TMEM132C: variants seen among roughly 807,000 people sequenced by gnomAD.
The protein encoded by TMEM132C is transmembrane protein 132C.
TMEM132C carries 29 observed loss-of-function variants against 61.4 expected under a neutral mutation model. That is an observed-to-expected ratio of 0.47 (90% CI 0.35 to 0.64). TMEM132C has a LOEUF of 0.64. Ranked by LOEUF, TMEM132C falls within the 30% of genes least tolerant of loss-of-function variation. The probability of loss-of-function intolerance (pLI) is 0.00; values close to 1 mark genes in which losing one functional copy is unlikely to be tolerated. For missense variants in TMEM132C, 1,408 were observed against 1,476.9 expected (o/e 0.95, Z 0.76); for synonymous variants, 656 against 633.1 (o/e 1.04, Z -0.54).
At chr12:128,469,802 G>A (rs1870882338) in intron 2 of TMEM132C, among the ~76,000 whole-genome samples, 1 of 149,926 alleles carries the variant, frequency 6.7e-6, no homozygotes, top group Non-Finnish European at 1.5e-5. Context: ...ATGCATTTAT[G>A]TGTGTATATA....
intron 2 of TMEM132C, among the ~76,000 whole-genome samples, chr12:128,508,429 C>T (rs1443743321): frequency 1.3e-5 from 2 of 152,154 alleles, no homozygotes; most frequent in Non-Finnish European, 2.9e-5. Context: ...GCTCTACGGC[C>T]CTCGAGATGA....
At chr12:128,310,881 T>A (rs1167103526) in intron 1 of TMEM132C, among the ~76,000 whole-genome samples, 1 of 152,174 alleles carries the variant, frequency 6.6e-6, no homozygotes. Context: ...GAGAAGAATT[T>A]AAATGTTCCC....
intron 3 of TMEM132C, among the ~76,000 whole-genome samples, chr12:128,551,209 G>GCCCCCC (rs377410290): frequency 1.4e-5 from 2 of 147,118 alleles, no homozygotes; most frequent in African/African-American, 5.3e-5. Context: ...AAACATAAGA[G>GCCCCCC]CCCCCCCCCT....
chr12:128,525,006 C>T (rs534323009), intron 2 of TMEM132C, among the ~76,000 whole-genome samples: 24 of 152,260 alleles, frequency 1.6e-4, no homozygotes, highest in African/African-American at 3.1e-4. Context: ...GGAAGGATCC[C>T]GCCAGGATAA....
In TMEM132C at chr12:128,438,114, G is replaced by A. The variant is rs1869661842; in HGVS notation, c.974+22494G>A. The A allele has an allele frequency of 2.0e-5, 3 of 152,150 alleles. 1 individual carries two copies. Among genetic ancestry groups the A allele is most frequent in the Non-Finnish European group, 4.4e-5 (3 of 68,036 alleles). 9.4% of individuals were successfully genotyped at this position (152,150 alleles called of 1,614,324 possible). A position where few individuals can be genotyped will look rare whatever the true frequency, so the allele number is the denominator to read the frequency against. ...AGCTCTTTTAGTCCTCAAGTGACAA[G>A]GCACAGTAATATCAGTCAGTCCAAA... On this transcript the variant is annotated intron_variant, in intron 2 of 8. Transcript: ENST00000435159.
At chr12:128,602,229 C>G (rs1390720474) in intron 3 of TMEM132C, among the ~76,000 whole-genome samples, 1 of 152,154 alleles carries the variant, frequency 6.6e-6, no homozygotes, top group Non-Finnish European at 1.5e-5. Context: ...GTTTTTAAAC[C>G]ACAATCCACT....
intron 2 of TMEM132C, among the ~76,000 whole-genome samples, chr12:128,540,954 TC>T (rs1565967991): frequency 6.6e-6 from 1 of 151,854 alleles, no homozygotes. Flanking sequence ...TCTGTCTACT[TC>T]TCTCTCTCTT....
At chr12:128,347,918 T>C (rs2135960119) in intron 1 of TMEM132C, among the ~76,000 whole-genome samples, 1 of 152,358 alleles carries the variant, frequency 6.6e-6, no homozygotes, top group East Asian at 1.9e-4. Context: ...CTGTTTTGGC[T>C]ATTCTTGGTC....
At chr12:128,519,540 T>TTA (rs1872830824) in intron 2 of TMEM132C, among the ~76,000 whole-genome samples, 1 of 152,222 alleles carries the variant, frequency 6.6e-6, no homozygotes. Context: ...GGCCCTTCCT[T>TTA]ATGTCCTTTA....
chr12:128,527,500 A>C (rs1295505035), intron 2 of TMEM132C, among the ~76,000 whole-genome samples: 1 of 152,200 alleles, frequency 6.6e-6, no homozygotes, highest in Non-Finnish European at 1.5e-5. Flanking sequence ...TGAGTCTCTC[A>C]AGGAAGCCGC....
intron 1 of TMEM132C, among the ~76,000 whole-genome samples, chr12:128,303,109 T>G (rs1157998981): frequency 6.6e-6 from 1 of 152,212 alleles, no homozygotes; most frequent in Non-Finnish European, 1.5e-5. Context: ...CATTTATTAC[T>G]TGGGTGCCAG....
intron 1 of TMEM132C, among the ~76,000 whole-genome samples, chr12:128,402,310 T>C (rs778851063): frequency 6.8e-6 from 1 of 147,282 alleles, no homozygotes; most frequent in Non-Finnish European, 1.5e-5. Context: ...CCATGAGTCA[T>C]GTGGGTTTGT....
chr12:128,667,979 A>T (rs1475953778), intron 4 of TMEM132C, among the ~76,000 whole-genome samples: 1 of 152,208 alleles, frequency 6.6e-6, no homozygotes, highest in Non-Finnish European at 1.5e-5. Context: ...TTCATTTTTT[A>T]AAAAATGAAG....
intron 1 of TMEM132C, among the ~76,000 whole-genome samples, chr12:128,400,410 A>G (rs942623451): frequency 2.6e-5 from 4 of 152,080 alleles, no homozygotes; most frequent in Non-Finnish European, 5.9e-5. Flanking sequence ...AAGTCCTAAC[A>G]CACTTCTCCT....
intron 1 of TMEM132C, among the ~76,000 whole-genome samples, chr12:128,393,170 C>T (rs1874825856): frequency 6.6e-6 from 1 of 152,200 alleles, no homozygotes; most frequent in African/African-American, 2.4e-5. Context: ...TGACGATCCA[C>T]AGTCAACCTA....
Position 128,705,562 on chromosome 12 carries a change from A to G in TMEM132C, c.2594A>G (p.Asp865Gly), listed in dbSNP as rs1954832166. 6.4e-7 allele frequency: 1 copy of G among 1,551,042 alleles called. No homozygotes were observed. Among genetic ancestry groups the G allele is most frequent in the Admixed American group, 2.0e-5 (1 of 50,988 alleles). ...RATTTARSLL[D>G]NKVVKNSRAD... ...ACTACCACGGCCAGGTCCCTGCTGG[A>G]CAACAAAGTGGTGAAGAACAGTCGG... The change falls in exon 9 of 9, where the codon GAC becomes GGC. Residue 865 changes from aspartate to glycine, a missense_variant. Transcript: ENST00000435159.
intron 1 of TMEM132C, among the ~76,000 whole-genome samples, chr12:128,311,447 A>C (rs1003303583): frequency 2.6e-5 from 4 of 152,180 alleles, no homozygotes; most frequent in Non-Finnish European, 4.4e-5. Context: ...CCTAGATGAG[A>C]GGGACACAGC....
intron 1 of TMEM132C, among the ~76,000 whole-genome samples, chr12:128,346,459 A>C (rs888110399): frequency 2.0e-5 from 3 of 152,164 alleles, no homozygotes; most frequent in African/African-American, 7.2e-5. Context: ...ATGGTAGTTT[A>C]ATAGGAATAC....
chr12:128,314,032 G>T (rs894085893), intron 1 of TMEM132C, among the ~76,000 whole-genome samples: 4 of 152,146 alleles, frequency 2.6e-5, no homozygotes, highest in Non-Finnish European at 5.9e-5. Flanking sequence ...TGAGAAGAAA[G>T]GGTGGGAAAC....
Sources: gnomAD v4.1 joint callset for allele counts (sites outside exome capture counted in the v4.1 genomes callset) on GRCh38, gnomAD v4.1.1 for gene constraint, MANE v1.5 for transcripts, NCBI Gene and HGNC (gene_info 2026-07-23, HGNC 2026-07-21) for gene names.